Variants in NBPF15 observed in about 807,000 individuals in gnomAD.
The protein encoded by NBPF15 is NBPF member 15.
NBPF15 carries 74 observed loss-of-function variants against 62.2 expected under a neutral mutation model. The ratio of observed to expected loss-of-function variants is 1.19; its 90% CI spans 0.99 to 1.44. The LOEUF is 1.44. Ranked by LOEUF, NBPF15 falls within the 40% of genes most tolerant of loss-of-function variation. The probability of loss-of-function intolerance (pLI) is 0.00; values close to 1 mark genes in which losing one functional copy is unlikely to be tolerated. For synonymous variants in NBPF15, 244 were observed against 209.7 expected (o/e 1.16, Z -1.41); for missense variants, 790 against 550.0 (o/e 1.44, Z -4.36).
At chr1:144,446,069 G>A (rs1172148573) in intron 6 of NBPF15, among the ~76,000 whole-genome samples, 1 of 150,480 alleles carries the variant, frequency 6.6e-6, no homozygotes, top group Non-Finnish European at 1.5e-5. Flanking sequence ...TAGGCATGAT[G>A]GTCTCCATCT....
At chr1:144,447,615 G>A (rs1343827771) in intron 6 of NBPF15, among the ~76,000 whole-genome samples, 1 of 151,884 alleles carries the variant, frequency 6.6e-6, no homozygotes, top group Non-Finnish European at 1.5e-5. Context: ...GGAAGGAGGA[G>A]GGGATGTTAT....
intron 2 of NBPF15, among the ~76,000 whole-genome samples, chr1:144,459,983 C>G (rs1373841595): frequency 9.7e-6 from 1 of 103,562 alleles, no homozygotes; most frequent in Non-Finnish European, 1.9e-5. Flanking sequence ...TGTTCTATTT[C>G]TTGATCTGTG....
intron 9 of NBPF15, among the ~76,000 whole-genome samples, chr1:144,437,480 C>A (rs1166698107): frequency 1.4e-5 from 2 of 145,912 alleles, no homozygotes; most frequent in African/African-American, 2.6e-5. Flanking sequence ...AAGCCATGTA[C>A]AGAAATGAGG....
intron 6 of NBPF15, among the ~76,000 whole-genome samples, chr1:144,440,879 C>A (rs1286503615): frequency 8.6e-5 from 13 of 151,502 alleles, no homozygotes; most frequent in African/African-American, 3.1e-4. Context: ...CTGTGTTAGC[C>A]AGGATGGTCT....
chr1:144,432,332 C>A (rs782486711), intron 13 of NBPF15, among the ~76,000 whole-genome samples: 1 of 151,734 alleles, frequency 6.6e-6, no homozygotes. Context: ...AAGGAACAAC[C>A]GGTACCAGCC....
chr1:144,445,350 T>C (rs1302105474), intron 6 of NBPF15, among the ~76,000 whole-genome samples: 5 of 115,682 alleles, frequency 4.3e-5, no homozygotes, highest in African/African-American at 9.3e-5. Flanking sequence ...TATATATATA[T>C]ATATACACAC....
Position 144,456,674 on chromosome 1 carries a change from G to A in NBPF15, c.-569C>T, listed in dbSNP as rs1648099355. The stretch of plus-strand genomic sequence containing the variant: ...ACAGTGGGAGTTGGTGGCAGCCCCA[G>A]CGTGGAGGCCAAGAACACACAGCAC... On this transcript the variant is annotated 5_prime_UTR_variant, in exon 4 of 22. Transcript: ENST00000581897. 9.0e-6 allele frequency: 13 copies of A among 1,445,696 alleles called. 1 individual carries two copies. Among genetic ancestry groups the A allele is most frequent in the Non-Finnish European group, 1.2e-5 (13 of 1,090,148 alleles). 89.6% of individuals were successfully genotyped at this position (1,445,696 alleles called of 1,614,324 possible). A position where few individuals can be genotyped will look rare whatever the true frequency, so the allele number is the denominator to read the frequency against.
At chr1:144,444,442 C>T (rs1204140474) in intron 6 of NBPF15, among the ~76,000 whole-genome samples, 3 of 151,628 alleles carry the variant, frequency 2.0e-5, no homozygotes, top group Non-Finnish European at 4.4e-5. Context: ...TGAAGAAACT[C>T]CCCAGGCCTC....
At chr1:144,439,780 G>A (rs2102210668) in intron 8 of NBPF15, 49 bp downstream of exon 8, 3 of 1,434,934 alleles carry the variant, frequency 2.1e-6, no homozygotes, top group South Asian at 2.3e-5. Context: ...TCAGAGAGAA[G>A]ACAGGACATC....
rs782663744 is a variant in NBPF15, at chr1:144,422,973, T to G, written c.*40A>C. 3 of 1,611,650 alleles carry G rather than the reference T, an allele frequency of 1.9e-6. No individual in the cohort carries two copies. Among genetic ancestry groups the G allele is most frequent in the Non-Finnish European group, 2.5e-6 (3 of 1,179,610 alleles). ...CAAATCTTCTCGTGCCTATAGGTCC[T>G]GCCTGCAGGAATGACATCTCTCGGC... is the stretch of plus-strand genomic sequence containing the variant. On this transcript the variant is annotated 3_prime_UTR_variant, in exon 22 of 22. Transcript: ENST00000581897.
chr1:144,434,988 T>A lies in NBPF15; in HGVS notation c.772+123A>T. On this transcript the variant is annotated intron_variant, in intron 12 of 21. Transcript: ENST00000581897. ...TGAGAAGGACAAAAAAACTCCCTGA[T>A]ATCTGTTTAGAAACCCATCACAGTT... The A allele has an allele frequency of 1.9e-6, 3 of 1,571,186 alleles. No homozygotes were observed. The East Asian group carries it at 6.7e-5, about 35-fold the overall frequency.
intron 12 of NBPF15, 121 bp downstream of exon 12, chr1:144,434,990 T>C (rs1367474330): frequency 1.0e-5 from 16 of 1,575,236 alleles, no homozygotes; most frequent in South Asian, 2.2e-5. Context: ...CTCCCTGATA[T>C]CTGTTTAGAA....
chr1:144,435,362 G>A (rs1340094855), intron 11 of NBPF15, 46 bp from the exon 12 acceptor site: 17 of 1,352,968 alleles, frequency 1.3e-5, no homozygotes, highest in African/African-American at 1.1e-4. Flanking sequence ...TAAACACAGA[G>A]GGATTGGACC....
At chr1:144,458,614 C>T (rs1174409715) in intron 3 of NBPF15, among the ~76,000 whole-genome samples, 3 of 149,578 alleles carry the variant, frequency 2.0e-5, no homozygotes, top group African/African-American at 7.4e-5. Flanking sequence ...GAAACAGACC[C>T]ACACTAATTT....
In NBPF15 at chr1:144,423,718, A is replaced by C. The variant is rs1180444008; in HGVS notation, c.1769+152T>G. Among the ~76,000 whole-genome samples the C allele has an allele frequency of 1.3e-5, 2 of 151,924 alleles. 1 individual carries two copies. The highest frequency in any genetic ancestry group is 2.9e-5 in the Non-Finnish European group (2 of 67,934). On this transcript the variant is annotated intron_variant, in intron 21 of 21. Transcript: ENST00000581897. ...TAAGGGGAGGAAGAAATGGAAACCTAAACATCTACTGCAATGAAAACCAAC... is the reference window on the plus strand; with the variant it reads ...TAAGGGGAGGAAGAAATGGAAACCTCAACATCTACTGCAATGAAAACCAAC...
chr1:144,423,933 C>A lies in NBPF15; in HGVS notation c.1706G>T (p.Arg569Ile), dbSNP rs1553538771. 2 of 785,028 alleles carry A rather than the reference C, an allele frequency of 2.5e-6. No homozygotes were observed. The highest frequency in any genetic ancestry group is 3.5e-4 in the Middle Eastern group (1 of 2,848). The allele number at this position is 785,028 out of a possible 1,614,324, so 48.6% of individuals were successfully genotyped here. A position where few individuals can be genotyped will look rare whatever the true frequency, so the allele number is the denominator to read the frequency against. The change falls in exon 21 of 22, where the codon AGA becomes ATA. Residue 569 changes from arginine to isoleucine, a missense_variant. By Grantham distance (97) the Arg-to-Ile change is moderately conservative. Coordinates refer to ENST00000581897, the MANE Select transcript of NBPF15 (RefSeq NM_001385408.1). ...KGKGKKRRGR[R>I]SKKKRRRGRK... ...TCCCCTTCTTCTTTTCTTCTTTGAT[C>A]TTCTTCCCCTTCTTTTCTTCCCCTT... is the stretch of plus-strand genomic sequence containing the variant.
At chr1:144,431,426 CT>C (rs200325859) in intron 13 of NBPF15, among the ~76,000 whole-genome samples, 12 of 149,298 alleles carry the variant, frequency 8.0e-5, no homozygotes, top group South Asian at 2.1e-4. Context: ...ATTCAACATT[CT>C]TTTTTTTTCC....
chr1:144,455,921 C>A (rs1402788957), intron 4 of NBPF15, among the ~76,000 whole-genome samples: 1 of 152,046 alleles, frequency 6.6e-6, no homozygotes, highest in Non-Finnish European at 1.5e-5. Context: ...TCCTGGGGAA[C>A]CAAGAATTCC....
At chr1:144,423,368 T>C in intron 21 of NBPF15, 112 bp from the exon 22 acceptor site, 1 of 1,594,242 alleles carries the variant, frequency 6.3e-7, no homozygotes, top group Non-Finnish European at 8.5e-7. Context: ...AAAGGATAGA[T>C]TCATTAATGA....
Sources: gnomAD v4.1 joint callset for allele counts (sites outside exome capture counted in the v4.1 genomes callset) on GRCh38, gnomAD v4.1.1 for gene constraint, MANE v1.5 for transcripts, NCBI Gene and HGNC (gene_info 2026-07-23, HGNC 2026-07-21) for gene names.